LPP: variants seen among roughly 807,000 people sequenced by gnomAD.
LPP encodes the protein LIM domain containing preferred translocation partner in lipoma.
LPP carries 38 observed loss-of-function variants against 60.4 expected under a neutral mutation model. The ratio of observed to expected loss-of-function variants is 0.63; its 90% CI spans 0.49 to 0.83. The LOEUF is 0.83. LPP is among the 40% of genes least tolerant of loss of function. The pLI, the probability that LPP is intolerant of heterozygous loss-of-function variation, is 0.00. For missense variants in LPP, 902 were observed against 783.6 expected (o/e 1.15, Z -1.80); for synonymous variants, 328 against 290.8 (o/e 1.13, Z -1.30).
rs73054772 is a variant in LPP at position 188,527,703 on chromosome 3, G to A, written c.429+2916G>A. Among the ~76,000 whole-genome samples the A allele has an allele frequency of 4.7e-3, 711 of 151,334 alleles. 8 individuals are homozygous for A. Among genetic ancestry groups the A allele is most frequent in the African/African-American group, 0.016 (674 of 41,292 alleles). Reference sequence around the variant, plus strand: ...TGAAGACAGGAAGGCCACTGACTTTGCCACTGGACTCAGCAGTATCATGCC... The same window carrying A: ...TGAAGACAGGAAGGCCACTGACTTTACCACTGGACTCAGCAGTATCATGCC... On this transcript the variant is annotated intron_variant, in intron 6 of 11. Transcript: ENST00000617246.
At chr3:188,387,446 CTTAA>C (rs1166523382) in intron 3 of LPP, among the ~76,000 whole-genome samples, 4 of 151,928 alleles carry the variant, frequency 2.6e-5, no homozygotes, top group Non-Finnish European at 4.4e-5. Context: ...TGTGCCATAT[CTTAA>C]TTGTTTCATT....
chr3:188,420,012 T>C (rs1436259218), intron 4 of LPP, among the ~76,000 whole-genome samples: 1 of 152,166 alleles, frequency 6.6e-6, no homozygotes, highest in Admixed American at 6.5e-5. Context: ...GAAGCTGCAA[T>C]CATTGTTCTT....
intron 3 of LPP, among the ~76,000 whole-genome samples, chr3:188,397,910 G>A (rs916890623): frequency 3.9e-5 from 6 of 152,010 alleles, no homozygotes; most frequent in African/African-American, 1.5e-4. Flanking sequence ...CACTGGGCCC[G>A]GCCGTGTCTC....
At position 188,609,828 on chromosome 3, in the gene LPP, C is replaced by T. The variant is rs766968222; in HGVS notation, c.1097C>T (p.Pro366Leu). 24 of 1,611,002 alleles carry T rather than the reference C, an allele frequency of 1.5e-5. No homozygotes were observed. The highest frequency in any genetic ancestry group is 3.3e-5 in the South Asian group (3 of 90,760). Residue 366 changes from proline (P) to leucine (L), a missense_variant, in exon 7 of 12, where the codon CCA becomes CTA. Pro to Leu is a moderately conservative substitution (Grantham distance 98). Transcript: ENST00000617246. This position sits in a 1 kb window ranked among gnomAD's most constrained non-coding sequence, Gnocchi z 6.9. ...ITDPVSAPCAPPLQPKGGHSG... is the reference protein window; with the variant it reads ...ITDPVSAPCALPLQPKGGHSG... ...GATCCTGTTTCAGCCCCCTGTGCGC[C>T]ACCATTGCAGCCAAAGGTAAGAAAC...
At chr3:188,231,876 G>A (rs1720120806) in intron 2 of LPP, among the ~76,000 whole-genome samples, 1 of 152,170 alleles carries the variant, frequency 6.6e-6, no homozygotes, top group Non-Finnish European at 1.5e-5. Flanking sequence ...TGCGTCTCCT[G>A]GTGGGCCATG....
intron 7 of LPP, among the ~76,000 whole-genome samples, chr3:188,645,297 G>C (rs1850906296): frequency 1.3e-5 from 2 of 150,668 alleles, no homozygotes. Context: ...AAGGGTTGGA[G>C]AGAGAGAGAG....
At chr3:188,364,584 G>A (rs977234141) in intron 3 of LPP, among the ~76,000 whole-genome samples, 1 of 152,174 alleles carries the variant, frequency 6.6e-6, no homozygotes, top group African/African-American at 2.4e-5. Flanking sequence ...TTTTGGCTGG[G>A]ATTGGAGTTA....
intron 3 of LPP, among the ~76,000 whole-genome samples, chr3:188,392,121 TA>T (rs1362452946): frequency 6.6e-6 from 1 of 152,218 alleles, no homozygotes; most frequent in Non-Finnish European, 1.5e-5. Flanking sequence ...TTGTGTGTAG[TA>T]GATATTAAGT....
intron 2 of LPP, among the ~76,000 whole-genome samples, chr3:188,234,599 C>G (rs996343486): frequency 2.6e-5 from 4 of 152,160 alleles, no homozygotes; most frequent in Non-Finnish European, 4.4e-5. Context: ...GAAGCTGATT[C>G]TCTGACACAG....
At chr3:188,679,890 C>G (rs1028045438) in intron 7 of LPP, among the ~76,000 whole-genome samples, 1 of 152,116 alleles carries the variant, frequency 6.6e-6, no homozygotes, top group Non-Finnish European at 1.5e-5. Flanking sequence ...TCCTATCCCC[C>G]CAGGCTGTCA....
chr3:188,453,248 A>G (rs551213715), intron 4 of LPP, among the ~76,000 whole-genome samples: 1 of 152,216 alleles, frequency 6.6e-6, no homozygotes, highest in Admixed American at 6.5e-5. Flanking sequence ...CACAGGCTAG[A>G]TGCTTAATGG....
rs1371816966 is a variant in LPP at position 188,831,656 on chromosome 3, A to C, written c.1411-34544A>C. On this transcript the variant is annotated intron_variant, in intron 9 of 11. Coordinates refer to ENST00000617246, the MANE Select transcript of LPP (RefSeq NM_001375462.1). The stretch of plus-strand genomic sequence containing the variant: ...GACACCCAGGTTAAAGAGATCTCTC[A>C]GTACTCTTGGATTTTCCTTTACCTT... 2.0e-5 allele frequency among the ~76,000 whole-genome samples: 3 copies of C among 152,226 alleles called. No individual in the cohort carries two copies. In the East Asian group the frequency reaches 5.8e-4, roughly 29 times the overall value.
In LPP at chr3:188,785,547, T is replaced by TATATATACAC. The variant is rs1206082559; in HGVS notation, c.1410+25266_1410+25267insTATATACACA. ...ATATATATTCCATCATATATATATA[T>TATATATACAC]ACACACACACACACACACACACACA... On this transcript the variant is annotated intron_variant, in intron 9 of 11. Coordinates refer to ENST00000617246, the MANE Select transcript of LPP (RefSeq NM_001375462.1). Among the ~76,000 whole-genome samples, 64 of 43,846 alleles carry TATATATACAC rather than the reference T, an allele frequency of 1.5e-3. 15 individuals are homozygous for TATATATACAC. Among genetic ancestry groups the TATATATACAC allele is most frequent in the East Asian group, 4.9e-3 (2 of 406 alleles). 28.8% of individuals were successfully genotyped at this position (43,846 alleles called of 152,430 possible).
intron 3 of LPP, among the ~76,000 whole-genome samples, chr3:188,397,831 C>T (rs1359149561): frequency 1.3e-5 from 2 of 152,096 alleles, no homozygotes; most frequent in African/African-American, 2.4e-5. Context: ...CCATGCTGAT[C>T]TTGAACTCCT....
intron 9 of LPP, among the ~76,000 whole-genome samples, chr3:188,793,269 C>T (rs1208939450): frequency 6.6e-6 from 1 of 151,712 alleles, no homozygotes; most frequent in Non-Finnish European, 1.5e-5. Context: ...GCAACCTATG[C>T]CTCCTGAGCT....
chr3:188,682,673 C>T lies in LPP; in HGVS notation c.1114-25594C>T, dbSNP rs1456756718. Among the ~76,000 whole-genome samples, 5 of 152,142 alleles carry T rather than the reference C, an allele frequency of 3.3e-5. No individual in the cohort carries two copies. In the South Asian group the frequency reaches 6.2e-4, roughly 19 times the overall value. On this transcript the variant is annotated intron_variant, in intron 7 of 11. Coordinates refer to ENST00000617246, the MANE Select transcript of LPP (RefSeq NM_001375462.1). ...CCTAATTGTAGCTCATGTTGGCAAG[C>T]GGAGTAAACACCCATGCAAATTACT... is the stretch of plus-strand genomic sequence containing the variant.
intron 2 of LPP, among the ~76,000 whole-genome samples, chr3:188,279,559 A>G (rs554912346): frequency 1.3e-3 from 198 of 152,354 alleles, no homozygotes; most frequent in African/African-American, 4.6e-3. Flanking sequence ...TAAGAAGCAC[A>G]CAATCCTCAT....
chr3:188,501,774 G>A (rs796391505), intron 5 of LPP, among the ~76,000 whole-genome samples: 10 of 151,576 alleles, frequency 6.6e-5, no homozygotes, highest in African/African-American at 1.5e-4. Context: ...AATATTAGCC[G>A]GGCGTGGTGG....
intron 4 of LPP, among the ~76,000 whole-genome samples, chr3:188,412,494 T>A (rs1298757758): frequency 1.3e-5 from 2 of 152,160 alleles, no homozygotes; most frequent in Non-Finnish European, 2.9e-5. Context: ...GTAGAACAGA[T>A]GTTATTGTCA....
Sources: allele counts gnomAD v4.1 joint callset (sites outside exome capture counted in the v4.1 genomes callset), GRCh38; gene constraint gnomAD v4.1.1; non-coding constraint Gnocchi (gnomAD v3.1); transcripts MANE v1.5; gene names NCBI Gene and HGNC (gene_info 2026-07-23, HGNC 2026-07-21).